COL10A1: variants seen among roughly 807,000 people sequenced by gnomAD.
The protein encoded by COL10A1 is collagen type X alpha 1 chain, also known as collagen alpha-1(X) chain.
A neutral mutation model predicts 18.2 loss-of-function variants in COL10A1; 10 were observed. That is an observed-to-expected ratio of 0.55 (90% CI 0.34 to 0.93). The LOEUF is 0.93. Among genes scored for constraint, COL10A1 ranks in the 40% least tolerant of loss-of-function variants. The pLI, the probability that COL10A1 is intolerant of heterozygous loss-of-function variation, is 0.02. For missense variants in COL10A1, 897 were observed against 853.5 expected (o/e 1.05, Z -0.64); for synonymous variants, 330 against 316.6 (o/e 1.04, Z -0.45).
chr6:116,135,874 C>CAT (rs1486629590), intron 1 of COL10A1, among the ~76,000 whole-genome samples: 3 of 53,816 alleles, frequency 5.6e-5, no homozygotes, highest in Non-Finnish European at 8.3e-5. Flanking sequence ...TATATATATA[C>CAT]ACACATACAC....
At chr6:116,125,193 A>G (rs1779258093) in intron 2 of COL10A1, 146 bp downstream of exon 2, 1 of 814,910 alleles carries the variant, frequency 1.2e-6, no homozygotes, top group Non-Finnish European at 1.9e-6. Flanking sequence ...TACTTTTTTC[A>G]CAGATCACTT....
At chr6:116,152,222 A>G (rs1780060512) in intron 1 of COL10A1, among the ~76,000 whole-genome samples, 1 of 152,192 alleles carries the variant, frequency 6.6e-6, no homozygotes, top group Non-Finnish European at 1.5e-5. Flanking sequence ...AGAATATATG[A>G]TTAGAAAATA....
At chr6:116,171,529 A>G in the COL10A1 span, among the ~76,000 whole-genome samples, 12 of 152,350 alleles carry the variant, frequency 7.9e-5, no homozygotes, top group East Asian at 1.9e-4. Context: ...TGTTTAAACC[A>G]TATGTCATAT....
chr6:116,163,069 G>T (rs566953794), upstream of COL10A1, among the ~76,000 whole-genome samples: 24 of 144,708 alleles, frequency 1.7e-4, no homozygotes, highest in African/African-American at 6.2e-4. Flanking sequence ...GGAGCTTGCA[G>T]TGAGCCGAGA....
intron 1 of COL10A1, among the ~76,000 whole-genome samples, chr6:116,138,723 T>A (rs1779688045): frequency 6.6e-6 from 1 of 152,182 alleles, no homozygotes; most frequent in Non-Finnish European, 1.5e-5. Context: ...TATGAATCCT[T>A]ACTAATGGGG....
At chr6:116,173,027 G>T in the COL10A1 span, among the ~76,000 whole-genome samples, 1 of 152,108 alleles carries the variant, frequency 6.6e-6, no homozygotes, top group South Asian at 2.1e-4. Flanking sequence ...ACAATTCACA[G>T]ATATTATTTT....
At position 116,121,588 on chromosome 6, in the gene COL10A1, C is replaced by T; in HGVS notation, c.528G>A (p.Lys176=). 2 of 1,613,998 alleles carry T rather than the reference C, an allele frequency of 1.2e-6. No individual in the cohort carries two copies. Among genetic ancestry groups the T allele is most frequent in the Middle Eastern group, 3.3e-4 (2 of 6,062 alleles). ...APGPRGFPGE[K]GAPGVPGMNG... Reference sequence around the variant, plus strand: ...TCATACCAGGGACTCCTGGTGCACCCTTTTCTCCAGGAAAGCCCCTGGGTC... The same window carrying T: ...TCATACCAGGGACTCCTGGTGCACCTTTTTCTCCAGGAAAGCCCCTGGGTC... Residue 176 remains lysine (K), a synonymous_variant, in exon 3 of 3, where the codon AAG becomes AAA. Coordinates refer to ENST00000651968, the MANE Select transcript of COL10A1 (RefSeq NM_000493.4).
upstream of COL10A1, among the ~76,000 whole-genome samples, chr6:116,129,961 G>A (rs111517838): frequency 3.3e-5 from 5 of 151,898 alleles, no homozygotes; most frequent in African/African-American, 1.2e-4. Flanking sequence ...ACATTTTTTG[G>A]CAAGAACCCT....
upstream of COL10A1, among the ~76,000 whole-genome samples, chr6:116,163,141 AATATAT>A (rs1554197063): frequency 2.3e-5 from 2 of 88,408 alleles, no homozygotes; most frequent in African/African-American, 1.2e-4. Flanking sequence ...AAAAAAAAAA[AATATAT>A]ATATATATAT....
At chr6:116,200,000 G>GGT in the COL10A1 span, among the ~76,000 whole-genome samples, 31 of 91,050 alleles carry the variant, frequency 3.4e-4, no homozygotes, top group South Asian at 2.1e-3. Context: ...TATGGAAAGT[G>GGT]GGGGGGGAAG....
chr6:116,200,925 T>G, the COL10A1 span, among the ~76,000 whole-genome samples: 1 of 152,032 alleles, frequency 6.6e-6, no homozygotes. Context: ...GCCTTACAAC[T>G]TACCAGTGCT....
the COL10A1 span, among the ~76,000 whole-genome samples, chr6:116,211,262 A>G: frequency 6.6e-6 from 1 of 151,870 alleles, no homozygotes; most frequent in Admixed American, 6.6e-5. Context: ...ATGATTCCAT[A>G]CCCCCGGGCA....
chr6:116,178,085 G>C, the COL10A1 span, among the ~76,000 whole-genome samples: 1 of 78,176 alleles, frequency 1.3e-5, no homozygotes, highest in Non-Finnish European at 2.7e-5. Flanking sequence ...GTGTGTGTGT[G>C]TGTGCGCGCG....
the COL10A1 span, among the ~76,000 whole-genome samples, chr6:116,214,655 A>C: frequency 6.6e-6 from 1 of 152,054 alleles, no homozygotes; most frequent in Non-Finnish European, 1.5e-5. Context: ...ATTCTAATTT[A>C]CCTTCATTTT....
the COL10A1 span, among the ~76,000 whole-genome samples, chr6:116,180,543 C>CAGA: frequency 6.6e-6 from 1 of 152,166 alleles, no homozygotes; most frequent in South Asian, 2.1e-4. Flanking sequence ...ATTGCTTAAT[C>CAGA]TTATCACAAA....
the COL10A1 span, among the ~76,000 whole-genome samples, chr6:116,200,566 A>C: frequency 6.6e-6 from 1 of 152,070 alleles, no homozygotes; most frequent in Non-Finnish European, 1.5e-5. Context: ...TATTTTAAAA[A>C]GCATAGCTAA....
At chr6:116,180,359 T>C in the COL10A1 span, among the ~76,000 whole-genome samples, 1 of 152,016 alleles carries the variant, frequency 6.6e-6, no homozygotes, top group Admixed American at 6.6e-5. Context: ...CAGTTTCTCT[T>C]TATAGAAGAA....
chr6:116,206,947 G>C, the COL10A1 span, among the ~76,000 whole-genome samples: 1 of 151,800 alleles, frequency 6.6e-6, no homozygotes, highest in Non-Finnish European at 1.5e-5. Flanking sequence ...TTTTCTTCTT[G>C]TTTATTGAGT....
intron 1 of COL10A1, among the ~76,000 whole-genome samples, chr6:116,140,322 C>CA (rs1463460561): frequency 6.6e-6 from 1 of 152,142 alleles, no homozygotes; most frequent in Non-Finnish European, 1.5e-5. Context: ...TATACTTTCT[C>CA]AGAGTGGGAG....
Sources: allele counts gnomAD v4.1 joint callset (sites outside exome capture counted in the v4.1 genomes callset), GRCh38; gene constraint gnomAD v4.1.1; transcripts MANE v1.5; gene names NCBI Gene and HGNC (gene_info 2026-07-23, HGNC 2026-07-21).